SLC44A2: variants seen among roughly 807,000 people sequenced by gnomAD.
SLC44A2 encodes choline transporter-like protein 2.
Under a neutral mutation model 90.8 loss-of-function variants are expected in SLC44A2, and 57 were observed. The ratio of observed to expected loss-of-function variants is 0.63; its 90% CI spans 0.51 to 0.78. The LOEUF (loss-of-function observed/expected upper bound fraction) is 0.78, where lower values mean the gene tolerates loss of function less well. Ranked by LOEUF, SLC44A2 falls within the 30% of genes least tolerant of loss-of-function variation. SLC44A2 has a pLI of 0.00. For missense variants in SLC44A2, 794 were observed against 919.7 expected (o/e 0.86, Z 1.77); for synonymous variants, 355 against 360.7 (o/e 0.98, Z 0.18).
At chr19:10,602,492 C>T, upstream of SLC44A2, 4 of 1,233,896 alleles carry the variant, frequency 3.2e-6, no homozygotes, top group Non-Finnish European at 4.1e-6. Flanking sequence ...GGGCTGGGGT[C>T]GCGCTGGCTC....
At chr19:10,609,227 A>T (rs941691573) in intron 1 of SLC44A2, among the ~76,000 whole-genome samples, 1 of 151,972 alleles carries the variant, frequency 6.6e-6, no homozygotes, top group Non-Finnish European at 1.5e-5. Context: ...AAGTGCTGAG[A>T]TTACAAGCGT....
chr19:10,623,813 C>G (rs991760880), upstream of SLC44A2, among the ~76,000 whole-genome samples: 2 of 151,958 alleles, frequency 1.3e-5, no homozygotes, highest in Non-Finnish European at 2.9e-5. Context: ...CTTCAGCCTC[C>G]CCAGTAGCTG....
At chr19:10,633,115 C>G (rs991773005) in intron 10 of SLC44A2, among the ~76,000 whole-genome samples, 7 of 152,090 alleles carry the variant, frequency 4.6e-5, no homozygotes, top group African/African-American at 1.7e-4. Flanking sequence ...CAATATCGTG[C>G]TCAACAAAAC....
chr19:10,636,225 C>T (rs991343514), intron 14 of SLC44A2, 98 bp from the exon 15 acceptor site: 4 of 1,397,210 alleles, frequency 2.9e-6, no homozygotes, highest in Admixed American at 2.1e-5. Context: ...GTCTCCTGTC[C>T]TACCTCATGG....
chr19:10,642,310 G>C (rs1051122080), intron 20 of SLC44A2, 57 bp from the exon 21 acceptor site: 42 of 1,465,584 alleles, frequency 2.9e-5, no homozygotes, highest in Non-Finnish European at 3.7e-5. Context: ...GACTCAGGGG[G>C]TGGGGGCTGC....
intron 10 of SLC44A2, among the ~76,000 whole-genome samples, chr19:10,632,644 A>G (rs1347864262): frequency 6.6e-6 from 1 of 151,446 alleles, no homozygotes; most frequent in African/African-American, 2.4e-5. Context: ...TCTTTGGGCA[A>G]GTGCCTCAAC....
chr19:10,615,685 G>A (rs372199606), intron 1 of SLC44A2, among the ~76,000 whole-genome samples: 1 of 152,252 alleles, frequency 6.6e-6, no homozygotes, highest in East Asian at 1.9e-4. Flanking sequence ...GAAAAATTGT[G>A]TTTAAGGGGA....
intron 1 of SLC44A2, among the ~76,000 whole-genome samples, chr19:10,605,263 C>T (rs1489851633): frequency 2.0e-5 from 3 of 152,112 alleles, no homozygotes; most frequent in Admixed American, 6.6e-5. Context: ...TGCCTGTAAT[C>T]CCAGCACTTT....
intron 1 of SLC44A2, among the ~76,000 whole-genome samples, chr19:10,605,429 G>A (rs1380209398): frequency 1.3e-5 from 2 of 152,098 alleles, no homozygotes; most frequent in Non-Finnish European, 2.9e-5. Context: ...CAGGAGAATC[G>A]CTTGAACTTG....
intron 1 of SLC44A2, among the ~76,000 whole-genome samples, chr19:10,602,983 C>A (rs1813828331): frequency 6.6e-6 from 1 of 152,210 alleles, no homozygotes; most frequent in South Asian, 2.1e-4. Flanking sequence ...CCGTCCGGGG[C>A]TTTTGGCCAG....
upstream of SLC44A2, among the ~76,000 whole-genome samples, chr19:10,621,311 C>G (rs1439338222): frequency 6.6e-6 from 1 of 150,676 alleles, no homozygotes. Flanking sequence ...TAGATGGCAC[C>G]ACTGCACTCC....
intron 16 of SLC44A2, chr19:10,637,432 C>A: frequency 1.7e-6 from 1 of 572,144 alleles, no homozygotes; most frequent in East Asian, 3.0e-5. Flanking sequence ...GTTTTAGAGA[C>A]AGGATCTCTC....
At chr19:10,615,137 AAG>A (rs2066845663) in intron 1 of SLC44A2, among the ~76,000 whole-genome samples, 1 of 151,952 alleles carries the variant, frequency 6.6e-6, no homozygotes, top group Admixed American at 6.6e-5. Context: ...GATCATCAAA[AAG>A]GTTTTCAGAG....
intron 2 of SLC44A2, among the ~76,000 whole-genome samples, chr19:10,627,357 G>A (rs1051467587): frequency 3.3e-5 from 5 of 150,966 alleles, no homozygotes; most frequent in Admixed American, 6.6e-5. Context: ...GCAACATAGC[G>A]AGACCTTGTC....
chr19:10,638,374 G>A, intron 20 of SLC44A2, 59 bp downstream of exon 20: 1 of 1,493,352 alleles, frequency 6.7e-7, no homozygotes, highest in Non-Finnish European at 9.3e-7. Context: ...GGATTTGCTT[G>A]GTCTTCTTTG....
intron 20 of SLC44A2, among the ~76,000 whole-genome samples, chr19:10,638,688 G>C (rs1568455407): frequency 6.6e-6 from 1 of 151,786 alleles, no homozygotes; most frequent in Non-Finnish European, 1.5e-5. Flanking sequence ...AGGTTGGAGT[G>C]CAGTGAAATG....
chr19:10,636,137 G>A (rs567483337), intron 14 of SLC44A2, 186 bp from the exon 15 acceptor site: 7 of 689,692 alleles, frequency 1.0e-5, no homozygotes, highest in Middle Eastern at 4.1e-4. Flanking sequence ...TGATGGCCAC[G>A]TCTTGTTTCT....
At chr19:10,637,456 G>A in intron 16 of SLC44A2, 188 bp from the exon 17 acceptor site, 1 of 598,690 alleles carries the variant, frequency 1.7e-6, no homozygotes, top group South Asian at 2.0e-5. Flanking sequence ...CTGTCACCCA[G>A]GCTGGAGTGC....
At chr19:10,610,796 T>C (rs528857281) in intron 1 of SLC44A2, among the ~76,000 whole-genome samples, 2 of 150,644 alleles carry the variant, frequency 1.3e-5, no homozygotes, top group African/African-American at 2.4e-5. Flanking sequence ...TGTGCCACCA[T>C]GCCTGGCTCA....
Sources: allele counts gnomAD v4.1 joint callset (sites outside exome capture counted in the v4.1 genomes callset), GRCh38; gene constraint gnomAD v4.1.1; transcripts MANE v1.5; gene names NCBI Gene and HGNC (gene_info 2026-07-23, HGNC 2026-07-21).